The following IGSF10 variants were observed in gnomAD, a reference collection of about 807,000 sequenced individuals.
IGSF10 encodes calvaria mechanical force protein 608.
Under a neutral mutation model 128.2 loss-of-function variants are expected in IGSF10, and 126 were observed. The ratio of observed to expected loss-of-function variants is 0.98; its 90% CI spans 0.85 to 1.14. IGSF10 has a LOEUF of 1.14. Among genes scored for constraint, IGSF10 ranks in the 50% most tolerant of loss-of-function variants. The pLI is 0.00. For synonymous variants in IGSF10, 1,185 were observed against 1,146.2 expected, an observed-to-expected ratio of 1.03 and a Z score of -0.68; for missense variants, 3,295 against 3,149.8, an observed-to-expected ratio of 1.05 and a Z score of -1.10.
the IGSF10 span, among the ~76,000 whole-genome samples, chr3:151,493,041 T>C: frequency 1.3e-5 from 2 of 152,106 alleles, no homozygotes; most frequent in African/African-American, 4.8e-5. Context: ...CTGGAGGACA[T>C]TATGCTAAGT....
intron 5 of IGSF10, among the ~76,000 whole-genome samples, chr3:151,451,997 T>C (rs1721533487): frequency 6.6e-6 from 1 of 152,160 alleles, no homozygotes; most frequent in South Asian, 2.1e-4. Context: ...TGCAAAAGGA[T>C]TGCCTACCAC....
chr3:151,503,340 T>C, the IGSF10 span, among the ~76,000 whole-genome samples: 2 of 151,970 alleles, frequency 1.3e-5, no homozygotes, highest in East Asian at 3.9e-4. Context: ...TCACAGACAA[T>C]AAGTTAACTG....
the IGSF10 span, among the ~76,000 whole-genome samples, chr3:151,596,025 T>C: frequency 6.6e-6 from 1 of 152,136 alleles, no homozygotes; most frequent in South Asian, 2.1e-4. Context: ...TTTTCTTGAC[T>C]GTTGTTACCA....
chr3:151,514,446 G>A, the IGSF10 span, among the ~76,000 whole-genome samples: 22 of 152,174 alleles, frequency 1.4e-4, no homozygotes, highest in South Asian at 2.7e-3. Flanking sequence ...GATCCCTTCT[G>A]TGCACCTTAT....
intron 7 of IGSF10, among the ~76,000 whole-genome samples, chr3:151,442,663 A>G (rs1020973539): frequency 6.6e-6 from 1 of 150,984 alleles, no homozygotes; most frequent in African/African-American, 2.4e-5. Flanking sequence ...TGCTAGGATT[A>G]CAGGCGTGAG....
At chr3:151,543,362 C>A in the IGSF10 span, among the ~76,000 whole-genome samples, 1 of 152,130 alleles carries the variant, frequency 6.6e-6, no homozygotes. Context: ...CACTGTCCAC[C>A]TTTATCTTGG....
rs986499522 is a variant in IGSF10 at position 151,445,919 on chromosome 3, G to C, written c.4062C>G (p.Asn1354Lys). 2 of 1,614,036 alleles carry C rather than the reference G, an allele frequency of 1.2e-6. No individual in the cohort carries two copies. Among genetic ancestry groups the C allele is most frequent in the African/African-American group, 2.7e-5 (2 of 74,920 alleles). Residue 1354 changes from asparagine (N) to lysine (K), a missense_variant, in exon 6 of 8, where the codon AAC becomes AAG. Transcript: ENST00000282466. ...IQREQEPQKK[N>K]RTDPNISPDQ... is the part of the protein sequence containing the mutation. Reference sequence around the variant, plus strand: ...CTGGAGAGATGTTTGGGTCAGTCCTGTTCTTCTTTTGAGGCTCCTGTTCTC... The same window carrying C: ...CTGGAGAGATGTTTGGGTCAGTCCTCTTCTTCTTTTGAGGCTCCTGTTCTC...
the IGSF10 span, among the ~76,000 whole-genome samples, chr3:151,531,950 A>G: frequency 6.6e-6 from 1 of 152,134 alleles, no homozygotes; most frequent in Non-Finnish European, 1.5e-5. Context: ...TAATGAAGAC[A>G]AGAGAGAAGA....
chr3:151,455,197 A>G (rs1721726248), intron 4 of IGSF10, among the ~76,000 whole-genome samples: 1 of 462 alleles, frequency 2.2e-3, no homozygotes, highest in Non-Finnish European at 5.6e-3. Context: ...TACAACCTCC[A>G]TCTCCTGGGT....
chr3:151,601,613 T>C, the IGSF10 span, among the ~76,000 whole-genome samples: 1 of 152,192 alleles, frequency 6.6e-6, no homozygotes, highest in Non-Finnish European at 1.5e-5. Flanking sequence ...GCATAAAGTT[T>C]CATGAGGTTT....
At position 151,437,075 on chromosome 3, in the gene IGSF10, C is replaced by A. The variant is rs1560168405; in HGVS notation, c.7486G>T (p.Ala2496Ser). 6.2e-7 allele frequency: 1 copy of A among 1,614,166 alleles called. No individual in the cohort carries two copies. The highest frequency in any genetic ancestry group is 8.5e-7 in the Non-Finnish European group (1 of 1,180,008). ...TAGTTTCCTCTGTCATAAGCTGTTG[C>A]TTCTTTAATGACTAAGGTGCCATTG... ...HDNGTLVIKE[A>S]TAYDRGNYIC... The change falls in exon 8 of 8, where the codon GCA (alanine) becomes TCA (serine). Residue 2496 changes from alanine to serine, a missense_variant. Physicochemically the swap from Ala to Ser is moderately conservative, Grantham distance 99. Coordinates refer to ENST00000282466, the MANE Select transcript of IGSF10 (RefSeq NM_178822.5).
In IGSF10 at chr3:151,449,023, T is replaced by C. The variant is rs867285329; in HGVS notation, c.958A>G (p.Met320Val). ...GCTTCATTTCCAGACTGATCTGTCA[T>C]ATTCAAAGTGAGGGAGCCAAAGGGT... Reference protein sequence around the residue: ...MAPFGSLTLNMTDQSGNEANM... With the variant: ...MAPFGSLTLNVTDQSGNEANM... Residue 320 changes from methionine to valine, a missense_variant, in exon 6 of 8, where the codon ATG becomes GTG. By Grantham distance (21) the Met-to-Val change is conservative. Transcript: ENST00000282466. 13 of 1,614,110 alleles carry C rather than the reference T, an allele frequency of 8.1e-6. No individual in the cohort carries two copies. Among genetic ancestry groups the C allele is most frequent in the Non-Finnish European group, 1.1e-5 (13 of 1,180,052 alleles).
the IGSF10 span, among the ~76,000 whole-genome samples, chr3:151,540,358 G>C: frequency 6.6e-6 from 1 of 152,104 alleles, no homozygotes; most frequent in Non-Finnish European, 1.5e-5. Flanking sequence ...AATTTTGCCT[G>C]CATTGTACTT....
At chr3:151,438,723 A>C (rs1720629301) in intron 7 of IGSF10, 126 bp from the exon 8 acceptor site, 1 of 662,904 alleles carries the variant, frequency 1.5e-6, no homozygotes, top group Non-Finnish European at 2.6e-6. Context: ...TGTATCTTTG[A>C]GGTGTAGAAC....
At chr3:151,546,744 T>A in the IGSF10 span, among the ~76,000 whole-genome samples, 1 of 152,136 alleles carries the variant, frequency 6.6e-6, no homozygotes, top group Non-Finnish European at 1.5e-5. Context: ...ATAGCCTCTT[T>A]ACATTTTTTA....
chr3:151,494,415 A>T, the IGSF10 span, among the ~76,000 whole-genome samples: 2 of 152,086 alleles, frequency 1.3e-5, no homozygotes, highest in East Asian at 3.8e-4. Context: ...ATTCTGATGA[A>T]AATGTTAACT....
chr3:151,553,044 A>G, the IGSF10 span, among the ~76,000 whole-genome samples: 2 of 152,188 alleles, frequency 1.3e-5, no homozygotes, highest in Admixed American at 1.3e-4. Context: ...ATGCAAAGCT[A>G]TATTTTCATA....
chr3:151,504,634 CA>C, the IGSF10 span, among the ~76,000 whole-genome samples: 72 of 152,142 alleles, frequency 4.7e-4, no homozygotes, highest in African/African-American at 1.7e-3. Flanking sequence ...TAATGTTAAA[CA>C]AAGGTTAGCC....
chr3:151,474,556 C>T, the IGSF10 span, among the ~76,000 whole-genome samples: 164 of 152,222 alleles, frequency 1.1e-3, 4 homozygotes, highest in East Asian at 0.029. Context: ...GGTCCTTAGT[C>T]GCTCTCACAC....
Sources: allele counts gnomAD v4.1 joint callset (sites outside exome capture counted in the v4.1 genomes callset), GRCh38; gene constraint gnomAD v4.1.1; transcripts MANE v1.5; gene names NCBI Gene and HGNC (gene_info 2026-07-23, HGNC 2026-07-21).